The following STXBP5L variants were observed in gnomAD, a reference collection of about 807,000 sequenced individuals.
STXBP5L encodes syntaxin binding protein 5L, also known as syntaxin-binding protein 5-like.
STXBP5L carries 65 observed loss-of-function variants against 144.5 expected under a neutral mutation model. The observed-to-expected ratio is 0.45, with a 90% CI of 0.37 to 0.55. The LOEUF (loss-of-function observed/expected upper bound fraction) is 0.55. Ranked by LOEUF, STXBP5L falls within the 20% of genes least tolerant of loss-of-function variation. STXBP5L has a pLI of 0.00. For synonymous variants in STXBP5L, 505 were observed against 469.6 expected (o/e 1.08, Z -0.97); for missense variants, 1,298 against 1,405.5 (o/e 0.92, Z 1.22).
intron 22 of STXBP5L, among the ~76,000 whole-genome samples, chr3:121,395,563 C>G (rs2046707960): frequency 6.6e-6 from 1 of 152,052 alleles, no homozygotes; most frequent in Admixed American, 6.5e-5. Context: ...ATTATAGGAG[C>G]AGATTTATTA....
chr3:121,083,914 A>G (rs374119678), intron 5 of STXBP5L, among the ~76,000 whole-genome samples: 38 of 152,042 alleles, frequency 2.5e-4, no homozygotes, highest in African/African-American at 9.2e-4. Context: ...TCAAAGCTGC[A>G]TGGTCTGTAG....
intron 3 of STXBP5L, among the ~76,000 whole-genome samples, chr3:120,986,455 G>A (rs1275194433): frequency 6.6e-6 from 1 of 151,832 alleles, no homozygotes; most frequent in East Asian, 1.9e-4. Context: ...AATATTGTGA[G>A]TTTGACATTG....
In STXBP5L at chr3:120,948,925, A is replaced by G. The variant is rs545033218; in HGVS notation, c.190-6015A>G. On this transcript the variant is annotated intron_variant, in intron 2 of 26. Coordinates refer to ENST00000471454, the MANE Select transcript of STXBP5L (RefSeq NM_001308330.2). ...TTTTTTTCTTCTGAGTAGATATCCA[A>G]TGGTGGGATTGCTGGATCAAATGGT... Among the ~76,000 whole-genome samples, 37 of 151,596 alleles carry G rather than the reference A, an allele frequency of 2.4e-4. 1 individual carries two copies. Among genetic ancestry groups the G allele is most frequent in the Admixed American group, 1.9e-3 (29 of 15,156 alleles).
At chr3:121,076,852 C>G (rs1047065501) in intron 5 of STXBP5L, among the ~76,000 whole-genome samples, 1 of 152,154 alleles carries the variant, frequency 6.6e-6, no homozygotes, top group Non-Finnish European at 1.5e-5. Flanking sequence ...CTCAGTTTCA[C>G]TTTTGGATCC....
intron 3 of STXBP5L, among the ~76,000 whole-genome samples, chr3:121,003,330 G>A (rs1185735893): frequency 1.3e-5 from 2 of 152,104 alleles, no homozygotes; most frequent in African/African-American, 4.8e-5. Flanking sequence ...TTTTTCATGT[G>A]TCTTTTGGCT....
intron 3 of STXBP5L, among the ~76,000 whole-genome samples, chr3:120,988,403 A>C (rs1296687027): frequency 6.6e-6 from 1 of 151,830 alleles, no homozygotes; most frequent in African/African-American, 2.4e-5. Context: ...AAGTGTTTGG[A>C]AACCTTCTTC....
At chr3:121,089,555 A>T (rs2042676034) in intron 5 of STXBP5L, among the ~76,000 whole-genome samples, 1 of 150,088 alleles carries the variant, frequency 6.7e-6, no homozygotes, top group Non-Finnish European at 1.5e-5. Context: ...CCTTGTTTTT[A>T]TCTCAGATAA....
At chr3:121,133,328 GTTA>G in intron 7 of STXBP5L, among the ~76,000 whole-genome samples, 1 of 152,164 alleles carries the variant, frequency 6.6e-6, no homozygotes. Context: ...GTTCAGATAT[GTTA>G]TTATCAGACT....
intron 7 of STXBP5L, among the ~76,000 whole-genome samples, chr3:121,144,905 TAGAA>T (rs1305519517): frequency 6.6e-6 from 1 of 151,926 alleles, no homozygotes. Context: ...TGACCAGTCA[TAGAA>T]AGACAGATTC....
At chr3:121,105,545 A>G (rs1248933938) in intron 5 of STXBP5L, among the ~76,000 whole-genome samples, 4 of 152,198 alleles carry the variant, frequency 2.6e-5, no homozygotes, top group African/African-American at 9.6e-5. Flanking sequence ...CAATTAAAAA[A>G]TAAAAAGAAT....
At chr3:120,939,371 CTTTGGTAGGGGACAAAAATACTG>C (rs1313063458) in intron 2 of STXBP5L, among the ~76,000 whole-genome samples, 1 of 152,106 alleles carries the variant, frequency 6.6e-6, no homozygotes, top group East Asian at 1.9e-4. Flanking sequence ...TATATTACTT[CTTTGGTAGGGGACAAAAATACTG>C]TTTCTGTAAG....
chr3:121,161,914 C>G (rs58222742), intron 9 of STXBP5L, among the ~76,000 whole-genome samples: 56,935 of 151,794 alleles, frequency 0.38, 10,878 homozygotes, highest in Non-Finnish European at 0.4. Flanking sequence ...TATTATTAGA[C>G]TTGAAAATGA....
intron 2 of STXBP5L, among the ~76,000 whole-genome samples, chr3:120,920,405 A>G (rs775491095): frequency 2.0e-5 from 3 of 151,716 alleles, no homozygotes; most frequent in Non-Finnish European, 4.4e-5. Context: ...TGGGGTACAT[A>G]TGGTAATTTA....
At chr3:121,326,553 A>G (rs1220384290) in intron 20 of STXBP5L, among the ~76,000 whole-genome samples, 1 of 152,100 alleles carries the variant, frequency 6.6e-6, no homozygotes, top group African/African-American at 2.4e-5. Flanking sequence ...TTAATGTTGT[A>G]TTTATTTATT....
At chr3:120,976,924 T>A (rs1023219890) in intron 3 of STXBP5L, among the ~76,000 whole-genome samples, 2 of 152,016 alleles carry the variant, frequency 1.3e-5, no homozygotes, top group African/African-American at 4.8e-5. Context: ...TTGTTATAAT[T>A]TCTGTTCTTT....
At chr3:121,368,765 G>A (rs114246158) in intron 20 of STXBP5L, among the ~76,000 whole-genome samples, 3,270 of 152,200 alleles carry the variant, frequency 0.021, 60 homozygotes, top group Non-Finnish European at 0.036. Flanking sequence ...CTCTGGATAT[G>A]TGTGGTCATT....
At chr3:120,986,917 A>T (rs544533791) in intron 3 of STXBP5L, among the ~76,000 whole-genome samples, 1 of 152,010 alleles carries the variant, frequency 6.6e-6, no homozygotes, top group East Asian at 1.9e-4. Context: ...AAGGTGGAAC[A>T]TAAGTGAATG....
At chr3:121,354,504 C>A (rs1234719008) in intron 20 of STXBP5L, among the ~76,000 whole-genome samples, 2 of 126,400 alleles carry the variant, frequency 1.6e-5, no homozygotes, top group Non-Finnish European at 3.3e-5. Flanking sequence ...GAATTGCAAC[C>A]CTGCTTTTTT....
At chr3:121,323,225 G>T (rs1409247198) in intron 20 of STXBP5L, among the ~76,000 whole-genome samples, 1 of 152,054 alleles carries the variant, frequency 6.6e-6, no homozygotes, top group Non-Finnish European at 1.5e-5. Context: ...TGTTTTTGTT[G>T]CAATTGTTTT....
Sources: allele counts gnomAD v4.1 joint callset (sites outside exome capture counted in the v4.1 genomes callset), GRCh38; gene constraint gnomAD v4.1.1; transcripts MANE v1.5; gene names NCBI Gene and HGNC (gene_info 2026-07-23, HGNC 2026-07-21).